DNAJC25: variants seen among roughly 807,000 people sequenced by gnomAD.
DNAJC25 encodes the protein DnaJ heat shock protein family (Hsp40) member C25.
DNAJC25 carries 26 observed loss-of-function variants against 42.1 expected under a neutral mutation model. The ratio of observed to expected loss-of-function variants is 0.62; its 90% CI spans 0.45 to 0.86. DNAJC25 has a LOEUF of 0.86. Among genes scored for constraint, DNAJC25 ranks in the 40% least tolerant of loss-of-function variants. The pLI is 0.00. For synonymous variants in DNAJC25, 189 were observed against 179.9 expected (o/e 1.05, Z -0.40); for missense variants, 404 against 459.4 (o/e 0.88, Z 1.10).
intron 1 of DNAJC25, among the ~76,000 whole-genome samples, chr9:111,644,507 A>G (rs1156423860): frequency 6.6e-6 from 1 of 152,242 alleles, no homozygotes; most frequent in African/African-American, 2.4e-5. Context: ...AAGAGAAGAT[A>G]GTCACTGGAC....
intron 1 of DNAJC25, among the ~76,000 whole-genome samples, chr9:111,636,476 T>C (rs1712944842): frequency 6.6e-6 from 1 of 152,198 alleles, no homozygotes; most frequent in African/African-American, 2.4e-5. Flanking sequence ...AAAAATATTT[T>C]ATAATTATAT....
chr9:111,635,491 T>C (rs2131255631), intron 1 of DNAJC25, among the ~76,000 whole-genome samples: 1 of 152,318 alleles, frequency 6.6e-6, no homozygotes, highest in African/African-American at 2.4e-5. Context: ...AGAGAAAAAT[T>C]GCACTTCTAC....
At chr9:111,652,095 G>A (rs1026268589) in intron 3 of DNAJC25, among the ~76,000 whole-genome samples, 4 of 152,020 alleles carry the variant, frequency 2.6e-5, no homozygotes, top group African/African-American at 9.7e-5. Context: ...AAAAAATAAA[G>A]TTTTGATTCT....
In DNAJC25 at chr9:111,652,635, A is replaced by G. The variant is rs999165016; in HGVS notation, c.961-465A>G. Among the ~76,000 whole-genome samples, 9 of 150,472 alleles carry G rather than the reference A, an allele frequency of 6.0e-5. No homozygotes were observed. The East Asian group carries it at 1.4e-3, about 24-fold the overall frequency. ...CAGCTCACTGCAACCTCCGCCTCCC[A>G]GGTTCAAGCAGTTCTCCTGCCTCAG... On this transcript the variant is annotated intron_variant, in intron 3 of 3. Coordinates refer to ENST00000313525, the MANE Select transcript of DNAJC25 (RefSeq NM_001015882.3).
chr9:111,633,180 C>G (rs544176195), intron 1 of DNAJC25, among the ~76,000 whole-genome samples: 6 of 152,170 alleles, frequency 3.9e-5, no homozygotes, highest in Non-Finnish European at 8.8e-5. Flanking sequence ...GCCAGAAGCC[C>G]TGCTGGTGCG....
At chr9:111,651,374 A>G (rs1403334113) in intron 3 of DNAJC25, among the ~76,000 whole-genome samples, 1 of 152,178 alleles carries the variant, frequency 6.6e-6, no homozygotes, top group Non-Finnish European at 1.5e-5. Flanking sequence ...TAAAAGTTTA[A>G]AAGTTTTCTT....
At chr9:111,631,829 C>T in intron 1 of DNAJC25, 86 bp downstream of exon 1, 1 of 1,425,984 alleles carries the variant, frequency 7.0e-7, no homozygotes, top group Middle Eastern at 2.1e-4. Context: ...GGAGCGTGGG[C>T]CTCTGTGACC....
intron 1 of DNAJC25, 46 bp from the exon 2 acceptor site, chr9:111,647,061 A>G (rs1224633358): frequency 1.3e-6 from 2 of 1,552,176 alleles, no homozygotes; most frequent in Non-Finnish European, 1.7e-6. Context: ...AACTAAGGCC[A>G]TTTAATGGAC....
intron 2 of DNAJC25, among the ~76,000 whole-genome samples, chr9:111,647,477 C>T (rs1830584333): frequency 6.6e-6 from 1 of 152,196 alleles, no homozygotes; most frequent in African/African-American, 2.4e-5. Context: ...CCTCAAAAAT[C>T]CAGACCCTTT....
intron 1 of DNAJC25, 77 bp from the exon 2 acceptor site, chr9:111,647,030 T>C (rs1830576318): frequency 2.1e-6 from 3 of 1,400,340 alleles, no homozygotes; most frequent in Admixed American, 2.5e-5. Context: ...TAAAATTCTA[T>C]ATGTGATTTA....
At chr9:111,648,249 C>G (rs1304434116) in intron 2 of DNAJC25, among the ~76,000 whole-genome samples, 5 of 149,204 alleles carry the variant, frequency 3.4e-5, no homozygotes, top group African/African-American at 1.2e-4. Context: ...CAGTTTCATT[C>G]CCAGAAACGA....
intron 3 of DNAJC25, among the ~76,000 whole-genome samples, chr9:111,651,647 G>A (rs892654518): frequency 6.6e-6 from 1 of 152,072 alleles, no homozygotes; most frequent in African/African-American, 2.4e-5. Context: ...AGCACTTTGG[G>A]AGGCCCAGGC....
At chr9:111,633,557 A>G (rs577354841) in intron 1 of DNAJC25, among the ~76,000 whole-genome samples, 1 of 152,152 alleles carries the variant, frequency 6.6e-6, no homozygotes, top group African/African-American at 2.4e-5. Context: ...CATCTTCTGG[A>G]AGATGGAGAA....
chr9:111,649,472 G>A lies in DNAJC25; in HGVS notation c.509G>A (p.Ser170Asn), dbSNP rs1228090291. The change falls in exon 3 of 4, where the codon AGC becomes AAC. Residue 170 changes from serine to asparagine, a missense_variant. Physicochemically the swap from Ser to Asn is conservative, Grantham distance 46. Transcript: ENST00000313525. Reference sequence around the variant, plus strand: ...TTCTAGTTTTTCAGCTGGTGGAATAGCTACAATAAGGCAATCAGCTACCTA... The same window carrying A: ...TTCTAGTTTTTCAGCTGGTGGAATAACTACAATAAGGCAATCAGCTACCTA... The part of the protein sequence containing the change: ...SVFQFFSWWN[S>N]YNKAISYLAT... 1.9e-6 allele frequency: 3 copies of A among 1,585,542 alleles called. No individual in the cohort carries two copies. The highest frequency in any genetic ancestry group is 2.6e-6 in the Non-Finnish European group (3 of 1,170,670).
intron 3 of DNAJC25, 69 bp from the exon 4 acceptor site, chr9:111,653,031 T>C: frequency 7.1e-7 from 1 of 1,400,950 alleles, no homozygotes; most frequent in Non-Finnish European, 9.4e-7. Context: ...AAAATGTAAA[T>C]ATGCCATAAA....
At chr9:111,643,013 T>G (rs1209167556) in intron 1 of DNAJC25, 2 of 443,794 alleles carry the variant, frequency 4.5e-6, no homozygotes, top group African/African-American at 4.1e-5. Context: ...GTTTTGGTTT[T>G]GGAAAGAAGT....
chr9:111,643,043 G>A, intron 1 of DNAJC25: 1 of 376,188 alleles, frequency 2.7e-6, no homozygotes, highest in South Asian at 2.1e-5. Context: ...CAGACCCTGG[G>A]ACCTTAAGAT....
Position 111,631,342 on chromosome 9 carries a change from C to T in DNAJC25, c.-66C>T. The stretch of plus-strand genomic sequence containing the variant: ...GACGTGTAGCTGGGGCCAGACGGGA[C>T]TAGCCGGGCGCGCGGCTGAGTGCTG... On this transcript the variant is annotated 5_prime_UTR_variant, in exon 1 of 4. Coordinates refer to ENST00000313525, the MANE Select transcript of DNAJC25 (RefSeq NM_001015882.3). 10 of 1,253,258 alleles carry T rather than the reference C, an allele frequency of 8.0e-6. No homozygotes were observed. Among genetic ancestry groups the T allele is most frequent in the Non-Finnish European group, 1.0e-5 (10 of 1,002,294 alleles). The allele number at this position is 1,253,258 out of a possible 1,614,324, so 77.6% of individuals were successfully genotyped here. A position where few individuals can be genotyped will look rare whatever the true frequency, so the allele number is the denominator to read the frequency against.
intron 1 of DNAJC25, among the ~76,000 whole-genome samples, chr9:111,633,947 T>C (rs1830327044): frequency 6.6e-6 from 1 of 152,216 alleles, no homozygotes; most frequent in Non-Finnish European, 1.5e-5. Flanking sequence ...ACTTGTACTC[T>C]TGACTCTGAC....
Sources: gnomAD v4.1 joint callset for allele counts (sites outside exome capture counted in the v4.1 genomes callset) on GRCh38, gnomAD v4.1.1 for gene constraint, MANE v1.5 for transcripts, NCBI Gene and HGNC (gene_info 2026-07-23, HGNC 2026-07-21) for gene names.